MMP16: variants seen among roughly 807,000 people sequenced by gnomAD.
MMP16 encodes the protein matrix metalloproteinase-16.
Under a neutral mutation model 67.8 loss-of-function variants are expected in MMP16, and 12 were observed. The observed-to-expected ratio is 0.18, with a 90% CI of 0.11 to 0.29. The LOEUF is 0.29. MMP16 is among the 10% of genes least tolerant of loss of function. The pLI, the probability that MMP16 is intolerant of heterozygous loss-of-function variation, is 1.00. For synonymous variants in MMP16, 249 were observed against 255.9 expected (o/e 0.97, Z 0.26); for missense variants, 475 against 765.7 (o/e 0.62, Z 4.48).
At chr8:88,209,307 G>A (rs1809477446) in intron 1 of MMP16, among the ~76,000 whole-genome samples, 1 of 151,986 alleles carries the variant, frequency 6.6e-6, no homozygotes, top group African/African-American at 2.4e-5. Flanking sequence ...AGATGAAGAG[G>A]ACGAAGACCT....
chr8:88,227,312 G>A (rs765265931), intron 1 of MMP16, among the ~76,000 whole-genome samples: 7 of 151,878 alleles, frequency 4.6e-5, no homozygotes, highest in Non-Finnish European at 7.4e-5. Context: ...ATATAATAAT[G>A]GTGAATGCTC....
intron 3 of MMP16, among the ~76,000 whole-genome samples, chr8:88,180,648 A>C (rs980698772): frequency 6.6e-6 from 1 of 152,004 alleles, no homozygotes; most frequent in Non-Finnish European, 1.5e-5. Context: ...AATTGATAGA[A>C]CTGCAAAAAA....
intron 3 of MMP16, among the ~76,000 whole-genome samples, chr8:88,183,866 C>T (rs1459330469): frequency 6.6e-6 from 1 of 151,162 alleles, no homozygotes; most frequent in African/African-American, 2.4e-5. Context: ...CAGTCATGCG[C>T]CACAACTCCG....
At chr8:88,162,217 T>C (rs768894873) in intron 4 of MMP16, among the ~76,000 whole-genome samples, 1 of 151,992 alleles carries the variant, frequency 6.6e-6, no homozygotes, top group East Asian at 1.9e-4. Flanking sequence ...GCAGTAATCA[T>C]GTAAGGCTAT....
chr8:88,089,561 A>G (rs539635378), intron 6 of MMP16, among the ~76,000 whole-genome samples: 1 of 152,140 alleles, frequency 6.6e-6, no homozygotes, highest in Admixed American at 6.6e-5. Context: ...TCATTGAAGT[A>G]GAATGTATAT....
chr8:88,260,864 T>G (rs1363008505), intron 1 of MMP16, among the ~76,000 whole-genome samples: 1 of 152,208 alleles, frequency 6.6e-6, no homozygotes, highest in Non-Finnish European at 1.5e-5. Flanking sequence ...CTTCAATCTA[T>G]AAATACTTTA....
intron 7 of MMP16, among the ~76,000 whole-genome samples, chr8:88,073,315 C>T (rs1808593048): frequency 6.6e-6 from 1 of 152,170 alleles, no homozygotes; most frequent in South Asian, 2.1e-4. Flanking sequence ...AAATTAATAG[C>T]AATCTTACTA....
In MMP16 at chr8:88,221,420, A is replaced by T. The variant is rs548260570; in HGVS notation, c.133-24114T>A. Among the ~76,000 whole-genome samples the T allele has an allele frequency of 2.6e-5, 4 of 152,188 alleles. No individual in the cohort carries two copies. The South Asian group carries it at 8.3e-4, about 32-fold the overall frequency. On this transcript the variant is annotated intron_variant, in intron 1 of 9. Transcript: ENST00000286614. ...TCTCCGTCTTCCGTATGCACCAAGGATCACCAGATAATTGAAGAAAACCTC... is the reference window on the plus strand; with the variant it reads ...TCTCCGTCTTCCGTATGCACCAAGGTTCACCAGATAATTGAAGAAAACCTC...
intron 4 of MMP16, among the ~76,000 whole-genome samples, chr8:88,160,579 T>A (rs1808602201): frequency 6.6e-6 from 1 of 151,936 alleles, no homozygotes; most frequent in African/African-American, 2.4e-5. Flanking sequence ...AAAACCATGA[T>A]GAGATACCAC....
intron 4 of MMP16, among the ~76,000 whole-genome samples, chr8:88,163,579 C>T (rs1263894156): frequency 6.6e-6 from 1 of 151,946 alleles, no homozygotes; most frequent in Non-Finnish European, 1.5e-5. Context: ...TAATAGATAA[C>T]CTGCTTTGCT....
chr8:88,268,827 CTT>C (rs35661528), intron 1 of MMP16, among the ~76,000 whole-genome samples: 8 of 151,430 alleles, frequency 5.3e-5, no homozygotes, highest in Admixed American at 2.0e-4. Flanking sequence ...TGTTATTGTT[CTT>C]TTTTTTTTAA....
intron 4 of MMP16, among the ~76,000 whole-genome samples, chr8:88,119,862 C>T (rs1041736998): frequency 1.3e-5 from 2 of 152,092 alleles, no homozygotes; most frequent in East Asian, 3.9e-4. Context: ...TGAATACTTG[C>T]CACAAATGCA....
intron 1 of MMP16, among the ~76,000 whole-genome samples, chr8:88,211,980 C>T (rs966419948): frequency 3.9e-5 from 6 of 152,142 alleles, no homozygotes; most frequent in Non-Finnish European, 7.3e-5. Flanking sequence ...ATTATCCAAA[C>T]TGGGTCACAG....
At chr8:88,202,455 G>A (rs1472952696) in intron 1 of MMP16, among the ~76,000 whole-genome samples, 1 of 152,156 alleles carries the variant, frequency 6.6e-6, no homozygotes, top group Non-Finnish European at 1.5e-5. Flanking sequence ...CCCTCAAACG[G>A]TAATGGCTGA....
chr8:88,157,129 C>T (rs2681297), intron 4 of MMP16, among the ~76,000 whole-genome samples: 2 of 151,822 alleles, frequency 1.3e-5, no homozygotes, highest in Non-Finnish European at 2.9e-5. Context: ...TTGGCCCTCC[C>T]TATCCATGGC....
intron 1 of MMP16, among the ~76,000 whole-genome samples, chr8:88,310,033 T>C (rs1026193505): frequency 3.9e-5 from 6 of 152,086 alleles, no homozygotes; most frequent in African/African-American, 9.7e-5. Flanking sequence ...TCCAGTGAAA[T>C]ACAAGTAAAA....
chr8:88,178,357 C>A (rs1808926454), intron 3 of MMP16, among the ~76,000 whole-genome samples: 1 of 151,990 alleles, frequency 6.6e-6, no homozygotes, highest in Non-Finnish European at 1.5e-5. Context: ...ATAATATAAC[C>A]AGAAAGATGG....
At position 88,166,014 on chromosome 8, in the gene MMP16, T is replaced by C. The variant is rs73287073; in HGVS notation, c.709+1655A>G. Among the ~76,000 whole-genome samples the C allele has an allele frequency of 5.5e-3, 831 of 152,262 alleles. 2 individuals carry two copies. Among genetic ancestry groups the C allele is most frequent in the African/African-American group, 0.019 (776 of 41,590 alleles). On this transcript the variant is annotated intron_variant, in intron 4 of 9. Transcript: ENST00000286614. ...CCTTACTGCTATATACTTTATTTTA[T>C]TTTGGAAAACATGAACAGTTATTTA... is the stretch of plus-strand genomic sequence containing the variant.
In MMP16 at chr8:88,041,321, C is replaced by A; in HGVS notation, c.*140G>T. 1 of 768,566 alleles carries A rather than the reference C, an allele frequency of 1.3e-6. No homozygotes were observed. 47.6% of individuals were successfully genotyped at this position (768,566 alleles called of 1,614,324 possible). On this transcript the variant is annotated 3_prime_UTR_variant, in exon 10 of 10. Transcript: ENST00000286614. The surrounding 1 kb of genome is among the most constrained non-coding windows in gnomAD (Gnocchi z 6.0). ...TTCCACTCATGTGCAGGACCAGCAA[C>A]CCTCTGGGTTTGAAAGGTCAGCCCC... is the stretch of plus-strand genomic sequence containing the variant.
Sources: allele counts gnomAD v4.1 joint callset (sites outside exome capture counted in the v4.1 genomes callset), GRCh38; gene constraint gnomAD v4.1.1; non-coding constraint Gnocchi (gnomAD v3.1); transcripts MANE v1.5; gene names NCBI Gene and HGNC (gene_info 2026-07-23, HGNC 2026-07-21).